The following NECAB1 variants were observed in gnomAD, a reference collection of about 807,000 sequenced individuals.
NECAB1 encodes N-terminal EF-hand calcium binding protein 1.
Under a neutral mutation model 57.5 loss-of-function variants are expected in NECAB1, and 29 were observed. The observed-to-expected ratio is 0.50, with a 90% CI of 0.38 to 0.69. NECAB1 has a LOEUF of 0.69. NECAB1 is among the 30% of genes least tolerant of loss of function. The pLI, the probability that NECAB1 is intolerant of heterozygous loss-of-function variation, is 0.00. For missense variants in NECAB1, 372 were observed against 413.8 expected (o/e 0.90, Z 0.88); for synonymous variants, 142 against 147.7 (o/e 0.96, Z 0.28).
chr8:90,876,265 A>C (rs1040521899), intron 4 of NECAB1, among the ~76,000 whole-genome samples: 8 of 152,074 alleles, frequency 5.3e-5, no homozygotes, highest in African/African-American at 1.9e-4. Flanking sequence ...CATGTCACTG[A>C]TGATTGAGAT....
chr8:90,862,145 T>C (rs912650192), intron 3 of NECAB1, among the ~76,000 whole-genome samples: 1 of 152,166 alleles, frequency 6.6e-6, no homozygotes, highest in African/African-American at 2.4e-5. Context: ...CAATACTCTA[T>C]ATGGATAAAG....
Position 90,872,245 on chromosome 8 carries a change from T to C in NECAB1, c.259+92T>C, listed in dbSNP as rs1005808187. 1.7e-5 allele frequency: 18 copies of C among 1,034,152 alleles called. No individual in the cohort carries two copies. The African/African-American group carries it at 3.0e-4, about 17-fold the overall frequency. 64.1% of individuals were successfully genotyped at this position (1,034,152 alleles called of 1,614,324 possible). A position where few individuals can be genotyped will look rare whatever the true frequency, so the allele number is the denominator to read the frequency against. ...TATATATCAACCTTGGAATTAATGT[T>C]GTATATTAGGAGTTCACAAAGGAAA... On this transcript the variant is annotated intron_variant, in intron 4 of 12. Transcript: ENST00000417640.
intron 8 of NECAB1, among the ~76,000 whole-genome samples, chr8:90,933,977 C>T (rs1354289559): frequency 6.6e-6 from 1 of 152,084 alleles, no homozygotes; most frequent in Non-Finnish European, 1.5e-5. Context: ...CATTCTGTTT[C>T]CTTTTCTTTC....
At chr8:90,848,023 C>T (rs917511028) in intron 3 of NECAB1, among the ~76,000 whole-genome samples, 4 of 152,208 alleles carry the variant, frequency 2.6e-5, no homozygotes, top group African/African-American at 7.2e-5. Flanking sequence ...GAATTTCTCC[C>T]CAGAAAATGG....
At chr8:90,795,715 C>CACACAT (rs959055794) in intron 1 of NECAB1, among the ~76,000 whole-genome samples, 6 of 150,206 alleles carry the variant, frequency 4.0e-5, no homozygotes, top group African/African-American at 1.3e-4. Flanking sequence ...CTCTCACACA[C>CACACAT]ACACACACAC....
At chr8:90,846,154 G>C (rs1218111930) in intron 3 of NECAB1, among the ~76,000 whole-genome samples, 1 of 152,212 alleles carries the variant, frequency 6.6e-6, no homozygotes, top group Non-Finnish European at 1.5e-5. Flanking sequence ...TGATTTTAAA[G>C]TGAGTTACAC....
At chr8:90,949,711 G>A in intron 10 of NECAB1, 96 bp from the exon 11 acceptor site, 1 of 550,018 alleles carries the variant, frequency 1.8e-6, no homozygotes. Flanking sequence ...CTCTATTAAT[G>A]GATAAGATTG....
chr8:90,838,278 T>C (rs1243321097), intron 3 of NECAB1, among the ~76,000 whole-genome samples: 1 of 152,198 alleles, frequency 6.6e-6, no homozygotes, highest in African/African-American at 2.4e-5. Flanking sequence ...CTAATTGATG[T>C]AAATAAGAGT....
intron 2 of NECAB1, among the ~76,000 whole-genome samples, chr8:90,824,011 C>G (rs1393980951): frequency 1.4e-5 from 2 of 139,222 alleles, no homozygotes; most frequent in Non-Finnish European, 3.1e-5. Flanking sequence ...ACTAAAACCC[C>G]TCAGGCCCTC....
Position 90,958,837 on chromosome 8 carries a change from T to C in NECAB1, c.*3325T>C. 2.1e-6 allele frequency: 1 copy of C among 475,806 alleles called. No individual in the cohort carries two copies. Among genetic ancestry groups the C allele is most frequent in the East Asian group, 3.9e-5 (1 of 25,500 alleles). 29.5% of individuals were successfully genotyped at this position (475,806 alleles called of 1,614,324 possible). ...AAACCTCCTGCAAAGCTGAAACTGA[T>C]TAGAAAATTCTTTATATTTTAAAAT... On this transcript the variant is annotated 3_prime_UTR_variant, in exon 13 of 13. Coordinates refer to ENST00000417640, the MANE Select transcript of NECAB1 (RefSeq NM_022351.5).
At chr8:90,818,746 G>A (rs762173613) in intron 2 of NECAB1, among the ~76,000 whole-genome samples, 6 of 151,850 alleles carry the variant, frequency 4.0e-5, no homozygotes, top group Non-Finnish European at 8.8e-5. Context: ...GATCCTCTTT[G>A]GTACTCTCTG....
chr8:90,828,131 GT>G (rs397961666), intron 3 of NECAB1, among the ~76,000 whole-genome samples: 79 of 143,532 alleles, frequency 5.5e-4, no homozygotes, highest in Middle Eastern at 3.7e-3. Flanking sequence ...GTTCACTGCA[GT>G]TTTTTTTTTT....
At chr8:90,804,333 CA>C (rs1472818803) in intron 2 of NECAB1, among the ~76,000 whole-genome samples, 1 of 150,784 alleles carries the variant, frequency 6.6e-6, no homozygotes, top group African/African-American at 2.4e-5. Flanking sequence ...CTCATAGAAG[CA>C]GGGGGTAGAA....
chr8:90,947,303 TACACACACACACACACACACACACAC>T (rs71771328), intron 10 of NECAB1, among the ~76,000 whole-genome samples: 2 of 78,286 alleles, frequency 2.6e-5, no homozygotes, highest in East Asian at 8.6e-4. Flanking sequence ...TAACAACACA[TACACACACACACACACACACACACAC>T]ACACACACAC....
At chr8:90,939,481 T>C (rs1229393027) in intron 9 of NECAB1, among the ~76,000 whole-genome samples, 1 of 152,196 alleles carries the variant, frequency 6.6e-6, no homozygotes, top group East Asian at 1.9e-4. Context: ...TTCTGGTTAT[T>C]TTTACAATCC....
At chr8:90,864,503 C>T (rs1808472222) in intron 3 of NECAB1, among the ~76,000 whole-genome samples, 1 of 152,074 alleles carries the variant, frequency 6.6e-6, no homozygotes, top group African/African-American at 2.4e-5. Context: ...ATTGTGACTT[C>T]TCTGTTTAAG....
intron 2 of NECAB1, among the ~76,000 whole-genome samples, chr8:90,809,161 G>T (rs1339229808): frequency 1.3e-5 from 2 of 152,166 alleles, no homozygotes; most frequent in African/African-American, 4.8e-5. Flanking sequence ...GTGTCTTGGA[G>T]TTGGTGCTTT....
chr8:90,872,127 G>T lies in NECAB1; in HGVS notation c.234-1G>T. 6.5e-7 allele frequency: 1 copy of T among 1,544,824 alleles called. No homozygotes were observed. On this transcript the variant is annotated splice_acceptor_variant, in intron 3 of 12. Coordinates refer to ENST00000417640, the MANE Select transcript of NECAB1 (RefSeq NM_022351.5). LOFTEE classifies it high-confidence loss of function. ...TGTTTTTTTTTGTTTCATCTTTTCA[G>T]TAATCTTGACACAGAAGAGCTATGT...
At chr8:90,949,331 C>T (rs1347415162) in intron 10 of NECAB1, among the ~76,000 whole-genome samples, 1 of 152,066 alleles carries the variant, frequency 6.6e-6, no homozygotes, top group African/African-American at 2.4e-5. Context: ...TGGCATAGAG[C>T]AGGACCCACA....
Sources: gnomAD v4.1 joint callset for allele counts (sites outside exome capture counted in the v4.1 genomes callset) on GRCh38, gnomAD v4.1.1 for gene constraint, MANE v1.5 for transcripts, NCBI Gene and HGNC (gene_info 2026-07-23, HGNC 2026-07-21) for gene names.